The following HILPDA variants were observed in gnomAD, a reference collection of about 807,000 sequenced individuals.
The protein encoded by HILPDA is hypoxia inducible lipid droplet associated.
For synonymous variants in HILPDA, 37 were observed against 33.2 expected (o/e 1.12, Z -0.40); for missense variants, 72 against 73.5 (o/e 0.98, Z 0.08).
rs962097049 is a variant in HILPDA, at chr7:128,455,910, G to T, written c.-182G>T. ...GCGGCTGACGGCGCTTTTGTCTCCG[G>T]TGAGTTTTGTGGCGGGAAGCTTCTG... On this transcript the variant is annotated 5_prime_UTR_variant, in exon 1 of 2. Coordinates refer to ENST00000257696, the MANE Select transcript of HILPDA (RefSeq NM_013332.4). 2.2e-6 allele frequency: 1 copy of T among 456,748 alleles called. No homozygotes were observed. The highest frequency in any genetic ancestry group is 4.4e-6 in the Non-Finnish European group (1 of 226,972). The allele number at this position is 456,748 out of a possible 1,614,324, so 28.3% of individuals were successfully genotyped here.
In HILPDA at chr7:128,457,902, T is replaced by C; in HGVS notation, c.*442T>C. The C allele has an allele frequency of 5.5e-6, 1 of 182,654 alleles. No individual in the cohort carries two copies. The highest frequency in any genetic ancestry group is 1.3e-5 in the Non-Finnish European group (1 of 76,376). The allele number at this position is 182,654 out of a possible 1,614,324, so 11.3% of individuals were successfully genotyped here. On this transcript the variant is annotated 3_prime_UTR_variant, in exon 2 of 2. Coordinates refer to ENST00000257696, the MANE Select transcript of HILPDA (RefSeq NM_013332.4). ...CCCAGCCTGGGCCACAGTGCAAGAC[T>C]CCATCTCAAAAAAAAAAGAAAAGAA...
Position 128,457,420 on chromosome 7 carries a change from C to T in HILPDA, c.152C>T (p.Pro51Leu), listed in dbSNP as rs200974084. 1 of 1,614,150 alleles carries T rather than the reference C, an allele frequency of 6.2e-7. No individual in the cohort carries two copies. The part of the protein sequence containing the change: ...TTRSQLANTE[P>L]TKGLPDHPSR... ...AGAAGCCAACTAGCCAACACAGAGC[C>T]CACCAAGGGCCTTCCAGACCATCCA... The change falls in exon 2 of 2, where the codon CCC becomes CTC. Residue 51 changes from proline (P) to leucine (L), a missense_variant. Coordinates refer to ENST00000257696, the MANE Select transcript of HILPDA (RefSeq NM_013332.4).
intron 1 of HILPDA, 26 bp downstream of exon 1, chr7:128,456,049 G>A (rs1373045660): frequency 2.2e-6 from 1 of 452,276 alleles, no homozygotes; most frequent in South Asian, 1.6e-5. Flanking sequence ...GGCTTCCCCG[G>A]CTCCCCACCC....
intron 1 of HILPDA, chr7:128,456,266 C>T (rs1799538899): frequency 3.3e-6 from 1 of 301,974 alleles, no homozygotes; most frequent in African/African-American, 2.2e-5. Flanking sequence ...CATGCCCTCC[C>T]AGAGCACCTT....
chr7:128,456,034 C>T lies in HILPDA; in HGVS notation c.-69+11C>T. 2.2e-6 allele frequency: 1 copy of T among 454,286 alleles called. No individual in the cohort carries two copies. The highest frequency in any genetic ancestry group is 1.6e-5 in the South Asian group (1 of 64,410). 28.1% of individuals were successfully genotyped at this position (454,286 alleles called of 1,614,324 possible). On this transcript the variant is annotated intron_variant, in intron 1 of 1. Transcript: ENST00000257696. ...GCTGTTCCCCCGGAGGTGAGCGGCCCTGTGGGCTTCCCCGGCTCCCCACCC... is the reference window on the plus strand; with the variant it reads ...GCTGTTCCCCCGGAGGTGAGCGGCCTTGTGGGCTTCCCCGGCTCCCCACCC...
chr7:128,457,262 T>G lies in HILPDA; in HGVS notation c.-7T>G. ...TTTCTCTGCAGAGGAGTAGGGTCCT[T>G]TCAGCCATGAAGCATGTGTTGAACC... On this transcript the variant is annotated 5_prime_UTR_variant, in exon 2 of 2. Coordinates refer to ENST00000257696, the MANE Select transcript of HILPDA (RefSeq NM_013332.4). The G allele has an allele frequency of 1.2e-6, 2 of 1,605,414 alleles. No homozygotes were observed. Among genetic ancestry groups the G allele is most frequent in the Non-Finnish European group, 1.7e-6 (2 of 1,173,072 alleles).
At position 128,457,807 on chromosome 7, in the gene HILPDA, G is replaced by A. The variant is rs957490069; in HGVS notation, c.*347G>A. 8 of 240,552 alleles carry A rather than the reference G, an allele frequency of 3.3e-5. No individual in the cohort carries two copies. The highest frequency in any genetic ancestry group is 1.5e-4 in the African/African-American group (7 of 45,266). 14.9% of individuals were successfully genotyped at this position (240,552 alleles called of 1,614,324 possible). On this transcript the variant is annotated 3_prime_UTR_variant, in exon 2 of 2. Transcript: ENST00000257696. Reference sequence around the variant, plus strand: ...GAGGCCTGTAATCCCAGCTCCTTGGGAGGCTGAGGCGGGAGAATTGCTTGA... The same window carrying A: ...GAGGCCTGTAATCCCAGCTCCTTGGAAGGCTGAGGCGGGAGAATTGCTTGA...
In HILPDA at chr7:128,457,909, C is replaced by CAA; in HGVS notation, c.*458_*459dup. 6.0e-6 allele frequency: 1 copy of CAA among 167,210 alleles called. No homozygotes were observed. The highest frequency in any genetic ancestry group is 1.4e-5 in the Non-Finnish European group (1 of 70,326). The allele number at this position is 167,210 out of a possible 1,614,324, so 10.4% of individuals were successfully genotyped here. A position where few individuals can be genotyped will look rare whatever the true frequency, so the allele number is the denominator to read the frequency against. ...TGGGCCACAGTGCAAGACTCCATCT[C>CAA]AAAAAAAAAAGAAAAGAAAAAGCCT... On this transcript the variant is annotated 3_prime_UTR_variant, in exon 2 of 2. Transcript: ENST00000257696.
rs754334893 is a variant in HILPDA, at chr7:128,457,316, ACT to A, written c.52_53del (p.Ser18HisfsTer4). 6.2e-7 allele frequency: 1 copy of A among 1,613,782 alleles called. No homozygotes were observed. The highest frequency in any genetic ancestry group is 1.1e-5 in the South Asian group (1 of 91,072). On this transcript the variant is annotated frameshift_variant, in exon 2 of 2. Coordinates refer to ENST00000257696, the MANE Select transcript of HILPDA (RefSeq NM_013332.4). LOFTEE classifies it low-confidence loss of function (END_TRUNC). ...LYLLGVVLTL[L>X]SIFVRVMESL... Reference sequence around the variant, plus strand: ...ACCTGTTAGGTGTGGTACTGACCCTACTCTCCATCTTCGTTAGAGTGATGGAG... The same window carrying A: ...ACCTGTTAGGTGTGGTACTGACCCTACTCCATCTTCGTTAGAGTGATGGAG...
intron 1 of HILPDA, 108 bp from the exon 2 acceptor site, chr7:128,457,093 C>G: frequency 2.0e-6 from 1 of 507,896 alleles, no homozygotes; most frequent in South Asian, 3.6e-5. Flanking sequence ...CTGTGTCCCT[C>G]ACTGGCTAAG....
chr7:128,457,175 A>T, intron 1 of HILPDA, 26 bp from the exon 2 acceptor site: 2 of 1,055,972 alleles, frequency 1.9e-6, no homozygotes, highest in Non-Finnish European at 2.8e-6. Context: ...AAGGCTATAG[A>T]TTCATCCTTT....
chr7:128,455,879 C>T lies in HILPDA; in HGVS notation c.-213C>T, dbSNP rs1799531103. ...GCGGAGGCTGGGCGGCGTTGCTCTG[C>T]GCTCTGCGGCTGACGGCGCTTTTGT... On this transcript the variant is annotated 5_prime_UTR_variant, in exon 1 of 2. Transcript: ENST00000257696. The T allele has an allele frequency of 2.2e-6, 1 of 456,608 alleles. No homozygotes were observed. Among genetic ancestry groups the T allele is most frequent in the Admixed American group, 2.3e-5 (1 of 42,566 alleles). 28.3% of individuals were successfully genotyped at this position (456,608 alleles called of 1,614,324 possible). A position where few individuals can be genotyped will look rare whatever the true frequency, so the allele number is the denominator to read the frequency against.
chr7:128,455,914 G>C lies in HILPDA; in HGVS notation c.-178G>C. On this transcript the variant is annotated 5_prime_UTR_variant, in exon 1 of 2. Transcript: ENST00000257696. ...CTGACGGCGCTTTTGTCTCCGGTGA[G>C]TTTTGTGGCGGGAAGCTTCTGCGCT... The C allele has an allele frequency of 2.2e-6, 1 of 456,772 alleles. No homozygotes were observed. Among genetic ancestry groups the C allele is most frequent in the Non-Finnish European group, 4.4e-6 (1 of 226,972 alleles). 28.3% of individuals were successfully genotyped at this position (456,772 alleles called of 1,614,324 possible). A position where few individuals can be genotyped will look rare whatever the true frequency, so the allele number is the denominator to read the frequency against.
rs1317991194 is a variant in HILPDA at position 128,458,006 on chromosome 7, T to A, written c.*546T>A. On this transcript the variant is annotated 3_prime_UTR_variant, in exon 2 of 2. Transcript: ENST00000257696. ...TTGATCTCGCCCTTACCCCGGGGTC[T>A]GGTGTATGCTGTGCTTTCCTCAGCA... 2 of 170,666 alleles carry A rather than the reference T, an allele frequency of 1.2e-5. No homozygotes were observed. The highest frequency in any genetic ancestry group is 2.9e-5 in the Non-Finnish European group (2 of 69,940). 10.6% of individuals were successfully genotyped at this position (170,666 alleles called of 1,614,324 possible).
chr7:128,457,547 G>T lies in HILPDA; in HGVS notation c.*87G>T. 1 of 1,242,234 alleles carries T rather than the reference G, an allele frequency of 8.1e-7. No homozygotes were observed. Among genetic ancestry groups the T allele is most frequent in the Non-Finnish European group, 1.2e-6 (1 of 856,650 alleles). The allele number at this position is 1,242,234 out of a possible 1,614,324, so 77.0% of individuals were successfully genotyped here. ...GTCCCATTCCTAGCAGACAAGCTGAGCACCGTTGTAACCAGAGAACTATTA... is the reference window on the plus strand; with the variant it reads ...GTCCCATTCCTAGCAGACAAGCTGATCACCGTTGTAACCAGAGAACTATTA... On this transcript the variant is annotated 3_prime_UTR_variant, in exon 2 of 2. Transcript: ENST00000257696.
chr7:128,457,308 C>T lies in HILPDA; in HGVS notation c.40C>T (p.Leu14=). The T allele has an allele frequency of 6.2e-7, 1 of 1,614,058 alleles. No homozygotes were observed. Among genetic ancestry groups the T allele is most frequent in the South Asian group, 1.1e-5 (1 of 91,086 alleles). ...VLNLYLLGVV[L]TLLSIFVRVM... ...GAACCTCTACCTGTTAGGTGTGGTA[C>T]TGACCCTACTCTCCATCTTCGTTAG... is the stretch of plus-strand genomic sequence containing the variant. The change falls in exon 2 of 2, where the codon CTG becomes TTG. Residue 14 remains leucine (L), a synonymous_variant. Transcript: ENST00000257696.
chr7:128,455,892 A>C lies in HILPDA; in HGVS notation c.-200A>C. 2.2e-6 allele frequency: 1 copy of C among 456,676 alleles called. No homozygotes were observed. 28.3% of individuals were successfully genotyped at this position (456,676 alleles called of 1,614,324 possible). A position where few individuals can be genotyped will look rare whatever the true frequency, so the allele number is the denominator to read the frequency against. ...GGCGTTGCTCTGCGCTCTGCGGCTG[A>C]CGGCGCTTTTGTCTCCGGTGAGTTT... On this transcript the variant is annotated 5_prime_UTR_variant, in exon 1 of 2. Transcript: ENST00000257696.
intron 1 of HILPDA, among the ~76,000 whole-genome samples, chr7:128,456,913 C>T (rs1476757665): frequency 2.6e-5 from 4 of 152,174 alleles, no homozygotes; most frequent in Admixed American, 6.5e-5. Context: ...CCACCCGCCT[C>T]GGCCTCCCAG....
Position 128,456,250 on chromosome 7 carries a change from C to T in HILPDA, c.-69+227C>T, listed in dbSNP as rs550228355. 1.1e-4 allele frequency: 34 copies of T among 308,722 alleles called. No homozygotes were observed. In the East Asian group the frequency reaches 2.8e-3, roughly 25 times the overall value. The allele number at this position is 308,722 out of a possible 1,614,324, so 19.1% of individuals were successfully genotyped here. A position where few individuals can be genotyped will look rare whatever the true frequency, so the allele number is the denominator to read the frequency against. ...CGCCCACAGGTGCTGAGTTAGGCAT[C>T]CCTGCCATGCCCTCCCAGAGCACCT... On this transcript the variant is annotated intron_variant, in intron 1 of 1. Transcript: ENST00000257696.
Sources: gnomAD v4.1 joint callset for allele counts (sites outside exome capture counted in the v4.1 genomes callset) on GRCh38, gnomAD v4.1.1 for gene constraint, MANE v1.5 for transcripts, NCBI Gene and HGNC (gene_info 2026-07-23, HGNC 2026-07-21) for gene names.